Variants in TMEM132C observed in about 807,000 individuals in gnomAD.
TMEM132C encodes the protein protein phosphatase 1, regulatory subunit 152.
Under a neutral mutation model 61.4 loss-of-function variants are expected in TMEM132C, and 29 were observed. The ratio of observed to expected loss-of-function variants is 0.47; its 90% CI spans 0.35 to 0.64. TMEM132C has a LOEUF of 0.64. Ranked by LOEUF, TMEM132C falls within the 30% of genes least tolerant of loss-of-function variation. TMEM132C has a pLI of 0.00. For missense variants in TMEM132C, 1,408 were observed against 1,476.9 expected, an observed-to-expected ratio of 0.95 and a Z score of 0.76; for synonymous variants, 656 against 633.1, an observed-to-expected ratio of 1.04 and a Z score of -0.54.
rs988315779 is a variant in TMEM132C, at chr12:128,591,303, A to T, written c.1122-24849A>T. Among the ~76,000 whole-genome samples the T allele has an allele frequency of 4.6e-5, 7 of 151,078 alleles. No individual in the cohort carries two copies. The South Asian group carries it at 1.1e-3, about 23-fold the overall frequency. ...CTCCCCCAGCCCCCGGCAACAACTCATCTGCTTTCTGTCTCTGTGGATTTG... is the reference window on the plus strand; with the variant it reads ...CTCCCCCAGCCCCCGGCAACAACTCTTCTGCTTTCTGTCTCTGTGGATTTG... On this transcript the variant is annotated intron_variant, in intron 3 of 8. Coordinates refer to ENST00000435159, the MANE Select transcript of TMEM132C (RefSeq NM_001136103.3).
intron 2 of TMEM132C, among the ~76,000 whole-genome samples, chr12:128,531,114 A>T (rs35620012): frequency 2.0e-5 from 3 of 152,042 alleles, no homozygotes; most frequent in Non-Finnish European, 4.4e-5. Flanking sequence ...ATGAAGAAAC[A>T]TTCCTTTTGC....
intron 2 of TMEM132C, among the ~76,000 whole-genome samples, chr12:128,450,487 A>G (rs1870143136): frequency 2.0e-5 from 3 of 152,352 alleles, no homozygotes; most frequent in South Asian, 2.1e-4. Context: ...ATGATTAAAG[A>G]CCAATAAAAT....
At chr12:128,532,522 C>T (rs1873350104) in intron 2 of TMEM132C, among the ~76,000 whole-genome samples, 1 of 151,108 alleles carries the variant, frequency 6.6e-6, no homozygotes, top group South Asian at 2.1e-4. Context: ...ACCTGTAATC[C>T]CAGCTACTTG....
Position 128,622,356 on chromosome 12 carries a change from AAAAAATATATATATATATATATATAT to A in TMEM132C, c.1305+6023_1305+6048del, listed in dbSNP as rs1451077199. Among the ~76,000 whole-genome samples, 264 of 59,210 alleles carry A rather than the reference AAAAAATATATATATATATATATATAT, an allele frequency of 4.5e-3. 11 individuals are homozygous for A. The highest frequency in any genetic ancestry group is 0.02 in the African/African-American group (235 of 11,806). The allele number at this position is 59,210 out of a possible 152,430, so 38.8% of individuals were successfully genotyped here. ...GAGACTTTGTCTCAAAAAAAAAAAA[AAAAAATATATATATATATATATATAT>A]ATATATATATATATATATAACCAGG... On this transcript the variant is annotated intron_variant, in intron 4 of 8. Coordinates refer to ENST00000435159, the MANE Select transcript of TMEM132C (RefSeq NM_001136103.3).
rs528311457 is a variant in TMEM132C, at chr12:128,361,425, C to T, written c.86-53307C>T. 3.5e-4 allele frequency among the ~76,000 whole-genome samples: 54 copies of T among 152,296 alleles called. 2 individuals are homozygous for T. In the South Asian group the frequency reaches 8.9e-3, roughly 25 times the overall value. ...GGAATCTCAAATTTGCGGGCACCAA[C>T]GAGATCAGAAGTGCCTGCCTGACCC... On this transcript the variant is annotated intron_variant, in intron 1 of 8. Transcript: ENST00000435159.
chr12:128,586,779 C>T (rs1210519827), intron 3 of TMEM132C, among the ~76,000 whole-genome samples: 1 of 152,164 alleles, frequency 6.6e-6, no homozygotes, highest in East Asian at 1.9e-4. Context: ...TTGCCTCATC[C>T]CTGAAGCCAC....
intron 5 of TMEM132C, among the ~76,000 whole-genome samples, chr12:128,692,426 C>T (rs1954727147): frequency 6.6e-6 from 1 of 152,246 alleles, no homozygotes; most frequent in African/African-American, 2.4e-5. Context: ...GATATGGACA[C>T]ATGGGACCAA....
intron 2 of TMEM132C, among the ~76,000 whole-genome samples, chr12:128,439,795 A>C (rs1022581008): frequency 9.9e-5 from 15 of 152,084 alleles, no homozygotes; most frequent in Admixed American, 9.8e-4. Flanking sequence ...AGCATCCCCT[A>C]CAGTAAGGGA....
At chr12:128,459,833 C>T (rs898533657) in intron 2 of TMEM132C, among the ~76,000 whole-genome samples, 3 of 132,256 alleles carry the variant, frequency 2.3e-5, no homozygotes, top group Admixed American at 9.7e-5. Context: ...TGCAGTGAGC[C>T]GAGATTGTGC....
intron 2 of TMEM132C, chr12:128,438,219 G>A (rs957990890): frequency 2.1e-4 from 32 of 152,184 alleles, no homozygotes; most frequent in African/African-American, 6.3e-4. Flanking sequence ...GAACCCCAGT[G>A]TTGGAGTTGG....
intron 1 of TMEM132C, among the ~76,000 whole-genome samples, chr12:128,405,908 C>G (rs1309142188): frequency 2.0e-5 from 3 of 152,160 alleles, no homozygotes; most frequent in Non-Finnish European, 4.4e-5. Flanking sequence ...TTGATAAATT[C>G]TCAGCAGCCC....
At chr12:128,432,991 C>T (rs1869443201) in intron 2 of TMEM132C, among the ~76,000 whole-genome samples, 1 of 135,200 alleles carries the variant, frequency 7.4e-6, no homozygotes, top group South Asian at 2.6e-4. Flanking sequence ...GCAAGACCCT[C>T]CACCAGCCAA....
At chr12:128,702,115 G>A (rs1171955747) in intron 8 of TMEM132C, among the ~76,000 whole-genome samples, 1 of 151,986 alleles carries the variant, frequency 6.6e-6, no homozygotes, top group Non-Finnish European at 1.5e-5. Flanking sequence ...GGCCAGGCTG[G>A]TCTTGAACTC....
At chr12:128,315,600 C>A (rs1241946395) in intron 1 of TMEM132C, among the ~76,000 whole-genome samples, 2 of 152,020 alleles carry the variant, frequency 1.3e-5, no homozygotes, top group African/African-American at 4.8e-5. Flanking sequence ...GGTGGCAGGA[C>A]AGAGAGATGT....
intron 3 of TMEM132C, among the ~76,000 whole-genome samples, chr12:128,593,572 C>T (rs997782980): frequency 1.3e-5 from 2 of 152,162 alleles, no homozygotes; most frequent in Non-Finnish European, 2.9e-5. Flanking sequence ...GTCTGGGTTC[C>T]GGTCCTGCTC....
intron 2 of TMEM132C, among the ~76,000 whole-genome samples, chr12:128,445,415 G>C (rs141401488): frequency 4.6e-5 from 7 of 152,076 alleles, no homozygotes; most frequent in Non-Finnish European, 1.5e-5. Flanking sequence ...TTTTTGCGAG[G>C]CACTTTCAAA....
chr12:128,633,025 G>T (rs1349807581), intron 4 of TMEM132C, among the ~76,000 whole-genome samples: 1 of 152,162 alleles, frequency 6.6e-6, no homozygotes, highest in Non-Finnish European at 1.5e-5. Context: ...GCAGGTCTGT[G>T]GGGTGGTTCT....
rs139190877 is a variant in TMEM132C at position 128,296,841 on chromosome 12, T to C, written c.85+29354T>C. On this transcript the variant is annotated intron_variant, in intron 1 of 8. Coordinates refer to ENST00000435159, the MANE Select transcript of TMEM132C (RefSeq NM_001136103.3). Reference sequence around the variant, plus strand: ...TAAAACATCAGGGTTTGATATACTATAAGTGTTTTCTTCTAACCAGCATTA... The same window carrying C: ...TAAAACATCAGGGTTTGATATACTACAAGTGTTTTCTTCTAACCAGCATTA... Among the ~76,000 whole-genome samples, 22 of 152,322 alleles carry C rather than the reference T, an allele frequency of 1.4e-4. No homozygotes were observed. In the East Asian group the frequency reaches 4.2e-3, roughly 29 times the overall value.
chr12:128,379,147 C>G (rs370226741), intron 1 of TMEM132C, among the ~76,000 whole-genome samples: 3 of 152,200 alleles, frequency 2.0e-5, no homozygotes, highest in East Asian at 1.9e-4. Flanking sequence ...ATTGGTTGTT[C>G]ATCGCAGCCC....
Sources: gnomAD v4.1 joint callset for allele counts (sites outside exome capture counted in the v4.1 genomes callset) on GRCh38, gnomAD v4.1.1 for gene constraint, MANE v1.5 for transcripts, NCBI Gene and HGNC (gene_info 2026-07-23, HGNC 2026-07-21) for gene names.